LINGO2: variants seen among roughly 807,000 people sequenced by gnomAD.
The protein encoded by LINGO2 is leucine-rich repeat and immunoglobulin-like domain-containing nogo receptor-interacting protein 2.
Under a neutral mutation model 30.6 loss-of-function variants are expected in LINGO2, and 14 were observed. The ratio of observed to expected loss-of-function variants is 0.46; its 90% CI spans 0.30 to 0.72. The LOEUF is 0.72. LINGO2 is among the 30% of genes least tolerant of loss of function. The probability of loss-of-function intolerance (pLI) is 0.07; values close to 1 mark genes in which losing one functional copy is unlikely to be tolerated. For synonymous variants in LINGO2, 317 were observed against 288.5 expected (o/e 1.10, Z -1.00); for missense variants, 729 against 751.7 (o/e 0.97, Z 0.35).
At chr9:28,353,832 G>T (rs996778212) in intron 3 of LINGO2, among the ~76,000 whole-genome samples, 1 of 152,010 alleles carries the variant, frequency 6.6e-6, no homozygotes, top group Non-Finnish European at 1.5e-5. Context: ...CATAAAAAAT[G>T]ATGAGTTCAT....
In LINGO2 at chr9:27,950,564, G is replaced by C. The variant is rs1258913225; in HGVS notation, c.108C>G (p.Ala36=). ...TGTGACAGCTAACAGATTTGTTCTG[G>C]GCAGAGCACTCACAGCGAGCGGGGC... Residue 36 remains alanine, a synonymous_variant, in exon 6 of 6, where the codon GCC becomes GCG. Transcript: ENST00000379992. 3 of 1,545,962 alleles carry C rather than the reference G, an allele frequency of 1.9e-6. No individual in the cohort carries two copies. In the African/African-American group the frequency reaches 4.1e-5, roughly 21 times the overall value.
chr9:29,061,610 GC>G, the LINGO2 span, among the ~76,000 whole-genome samples: 1 of 151,938 alleles, frequency 6.6e-6, no homozygotes, highest in African/African-American at 2.4e-5. Flanking sequence ...AAAATGATGC[GC>G]GAGAACTGGT....
chr9:28,016,682 T>A (rs1308771796), intron 4 of LINGO2, among the ~76,000 whole-genome samples: 111 of 115,208 alleles, frequency 9.6e-4, no homozygotes, highest in Middle Eastern at 4.4e-3. Context: ...ATTAAACCAG[T>A]AAAAAAAAAA....
intron 2 of LINGO2, among the ~76,000 whole-genome samples, chr9:28,445,538 T>G (rs1824389471): frequency 6.6e-6 from 1 of 152,238 alleles, no homozygotes; most frequent in Non-Finnish European, 1.5e-5. Context: ...TCACCATCTA[T>G]AGTGGTCTAT....
At chr9:28,759,773 T>G in the LINGO2 span, among the ~76,000 whole-genome samples, 1 of 151,890 alleles carries the variant, frequency 6.6e-6, no homozygotes, top group Non-Finnish European at 1.5e-5. Flanking sequence ...GCCAAGAGGC[T>G]CCAGTAGTAC....
chr9:28,503,173 T>G (rs1262220370), intron 1 of LINGO2, among the ~76,000 whole-genome samples: 1 of 152,082 alleles, frequency 6.6e-6, no homozygotes, highest in Admixed American at 6.6e-5. Context: ...TTTGGGTTCA[T>G]TACAGCCACT....
At chr9:28,465,415 GT>G (rs1481905270) in intron 2 of LINGO2, among the ~76,000 whole-genome samples, 1 of 152,102 alleles carries the variant, frequency 6.6e-6, no homozygotes, top group Non-Finnish European at 1.5e-5. Flanking sequence ...TCTTTCTTTT[GT>G]GTGTGTGCGC....
chr9:28,754,878 G>A, the LINGO2 span, among the ~76,000 whole-genome samples: 2 of 151,794 alleles, frequency 1.3e-5, no homozygotes, highest in Non-Finnish European at 2.9e-5. Context: ...TGATCCGCCC[G>A]TCTCAGCCTC....
chr9:28,189,453 A>G (rs1451317262), intron 4 of LINGO2, among the ~76,000 whole-genome samples: 2 of 83,978 alleles, frequency 2.4e-5, no homozygotes, highest in African/African-American at 9.9e-5. Flanking sequence ...GGGAGGAAGG[A>G]AGGAAGGGAG....
chr9:28,386,346 T>A (rs1450297311), intron 2 of LINGO2, among the ~76,000 whole-genome samples: 1 of 152,170 alleles, frequency 6.6e-6, no homozygotes, highest in Non-Finnish European at 1.5e-5. Context: ...GACCCCTGTC[T>A]TTGTGTGGGG....
At chr9:27,943,234 T>C (rs1182974472), downstream of LINGO2, 1 of 152,184 alleles carries the variant, frequency 6.6e-6, no homozygotes, top group Non-Finnish European at 1.5e-5. Context: ...TTTTTTTTGG[T>C]CCTTTTAGAA....
the LINGO2 span, among the ~76,000 whole-genome samples, chr9:29,123,300 T>G: frequency 6.6e-6 from 1 of 152,002 alleles, no homozygotes; most frequent in African/African-American, 2.4e-5. Flanking sequence ...TTTCTTGCTA[T>G]ACACTTAAAC....
chr9:29,137,120 A>C, the LINGO2 span, among the ~76,000 whole-genome samples: 1 of 152,084 alleles, frequency 6.6e-6, no homozygotes, highest in African/African-American at 2.4e-5. Flanking sequence ...TCTTGTCCTG[A>C]GTATTGTTTT....
chr9:28,436,582 A>C (rs930826660), intron 2 of LINGO2, among the ~76,000 whole-genome samples: 1 of 151,836 alleles, frequency 6.6e-6, no homozygotes. Context: ...CTCAGCCTCC[A>C]GATTAGCTGG....
At chr9:28,998,014 A>T in the LINGO2 span, among the ~76,000 whole-genome samples, 1 of 152,154 alleles carries the variant, frequency 6.6e-6, no homozygotes, top group East Asian at 1.9e-4. Context: ...AAGATCAGAG[A>T]AGCCATATGG....
chr9:28,306,865 C>G (rs971547058), intron 3 of LINGO2, among the ~76,000 whole-genome samples: 26 of 152,260 alleles, frequency 1.7e-4, no homozygotes, highest in African/African-American at 5.5e-4. Context: ...TACACCTTCC[C>G]AAGATTAAAC....
chr9:28,081,490 T>C lies in LINGO2; in HGVS notation c.-86-69085A>G, dbSNP rs544683687. Reference sequence around the variant, plus strand: ...AATGGTAATGTTCATTTGGGCCCAATTGTAAAATTTCAACATTAAAAGAAG... The same window carrying C: ...AATGGTAATGTTCATTTGGGCCCAACTGTAAAATTTCAACATTAAAAGAAG... On this transcript the variant is annotated intron_variant, in intron 4 of 5. Coordinates refer to ENST00000379992, the Ensembl canonical transcript of LINGO2. Among the ~76,000 whole-genome samples, 201 of 152,254 alleles carry C rather than the reference T, an allele frequency of 1.3e-3. 2 individuals are homozygous for C. Among genetic ancestry groups the C allele is most frequent in the African/African-American group, 4.6e-3 (191 of 41,546 alleles).
At chr9:28,787,313 T>C in the LINGO2 span, among the ~76,000 whole-genome samples, 1 of 152,198 alleles carries the variant, frequency 6.6e-6, no homozygotes, top group Non-Finnish European at 1.5e-5. Context: ...ACTTGCATGA[T>C]ATTATATTCG....
the LINGO2 span, among the ~76,000 whole-genome samples, chr9:28,707,916 A>G: frequency 3.9e-5 from 6 of 152,262 alleles, 1 homozygote; most frequent in African/African-American, 1.4e-4. Context: ...CTGTCAGAAT[A>G]TGCCTCAGTC....
Sources: gnomAD v4.1 joint callset for allele counts (sites outside exome capture counted in the v4.1 genomes callset) on GRCh38, gnomAD v4.1.1 for gene constraint, MANE v1.5 for transcripts, NCBI Gene and HGNC (gene_info 2026-07-23, HGNC 2026-07-21) for gene names.